The following PIMREG variants were observed in gnomAD, a reference collection of about 807,000 sequenced individuals.
PIMREG encodes the protein PICALM interacting mitotic regulator.
In PIMREG, 19 loss-of-function variants were observed where a neutral mutation model predicts 24.3. The ratio of observed to expected loss-of-function variants is 0.78; its 90% CI spans 0.54 to 1.15. The LOEUF (loss-of-function observed/expected upper bound fraction) is 1.15, where lower values mean the gene tolerates loss of function less well. Ranked by LOEUF, PIMREG falls within the 50% of genes most tolerant of loss-of-function variation. The probability of loss-of-function intolerance (pLI) is 0.00; values close to 1 mark genes in which losing one functional copy is unlikely to be tolerated. For missense variants in PIMREG, 283 were observed against 306.8 expected (o/e 0.92, Z 0.58); for synonymous variants, 112 against 124.1 (o/e 0.90, Z 0.65).
chr17:6,445,314 C>T lies in PIMREG; in HGVS notation c.204C>T (p.Ser68=), dbSNP rs1913530926. The stretch of plus-strand genomic sequence containing the variant: ...ACCTCAACCTCCGCGCAGGGCCCTC[C>T]TGGAAACGCCTGGAAACCCCAGAGC... ...AVNLNLRAGP[S]WKRLETPEPG... The change falls in exon 2 of 6, where the codon TCC becomes TCT. Residue 68 remains serine, a synonymous_variant. Transcript: ENST00000572447. The T allele has an allele frequency of 1.2e-6, 2 of 1,614,110 alleles. No individual in the cohort carries two copies. The highest frequency in any genetic ancestry group is 1.7e-4 in the Middle Eastern group (1 of 6,060).
rs761716545 is a variant in PIMREG, at chr17:6,447,665, G to C, written c.497G>C (p.Arg166Pro). The C allele has an allele frequency of 1.2e-6, 2 of 1,613,988 alleles. No homozygotes were observed. Among genetic ancestry groups the C allele is most frequent in the African/African-American group, 1.3e-5 (1 of 74,946 alleles). ...AAGGAGCATCACCGCCTCTCTGTCC[G>C]GATGGGCTCACATGCCCACCCATTA... ...WEKEHHRLSVRMGSHAHPLRR... is the reference protein window; with the variant it reads ...WEKEHHRLSVPMGSHAHPLRR... The change falls in exon 3 of 6, where the codon CGG becomes CCG. Residue 166 changes from arginine (R) to proline (P), a missense_variant. Arg to Pro is a moderately radical substitution (Grantham distance 103, BLOSUM62 -2). Transcript: ENST00000572447.
rs1913517782 is a variant in PIMREG, at chr17:6,445,048, C to T, written c.-35-28C>T. On this transcript the variant is annotated intron_variant, in intron 1 of 5. Transcript: ENST00000572447. ...GGGAATGGGTATGGGGAATGCCTTGCTGATCTGCCTTTCGCCCTCCTCCCC... is the reference window on the plus strand; with the variant it reads ...GGGAATGGGTATGGGGAATGCCTTGTTGATCTGCCTTTCGCCCTCCTCCCC... The T allele has an allele frequency of 9.5e-6, 14 of 1,467,800 alleles. 1 individual carries two copies. The highest frequency in any genetic ancestry group is 2.3e-4 in the Middle Eastern group (1 of 4,398). The allele number at this position is 1,467,800 out of a possible 1,614,324, so 90.9% of individuals were successfully genotyped here.
At position 6,450,773 on chromosome 17, in the gene PIMREG, C is replaced by T. The variant is rs1913799674; in HGVS notation, c.*426C>T. Reference sequence around the variant, plus strand: ...GCAGAGTCACTCACCCACTGTGTTTCTGGTGCCAAGGCTCTTGAGGGCCCC... The same window carrying T: ...GCAGAGTCACTCACCCACTGTGTTTTTGGTGCCAAGGCTCTTGAGGGCCCC... On this transcript the variant is annotated 3_prime_UTR_variant, in exon 6 of 6. Transcript: ENST00000572447. 1 of 251,878 alleles carries T rather than the reference C, an allele frequency of 4.0e-6. No individual in the cohort carries two copies. The highest frequency in any genetic ancestry group is 7.6e-6 in the Non-Finnish European group (1 of 131,668). The allele number at this position is 251,878 out of a possible 1,614,324, so 15.6% of individuals were successfully genotyped here. A position where few individuals can be genotyped will look rare whatever the true frequency, so the allele number is the denominator to read the frequency against.
chr17:6,451,396 C>G lies in PIMREG; in HGVS notation c.*1049C>G, dbSNP rs1348820203. 1 of 152,182 alleles carries G rather than the reference C, an allele frequency of 6.6e-6. No individual in the cohort carries two copies. Among genetic ancestry groups the G allele is most frequent in the Non-Finnish European group, 1.5e-5 (1 of 68,030 alleles). The allele number at this position is 152,182 out of a possible 1,614,324, so 9.4% of individuals were successfully genotyped here. A position where few individuals can be genotyped will look rare whatever the true frequency, so the allele number is the denominator to read the frequency against. ...TTTTGTCTTGTTAGAAATCTGATAT[C>G]TTACATTAGCGTTTCTAACGGATTT... On this transcript the variant is annotated 3_prime_UTR_variant, in exon 6 of 6. Transcript: ENST00000572447.
intron 2 of PIMREG, among the ~76,000 whole-genome samples, chr17:6,446,787 G>C (rs756009649): frequency 6.6e-6 from 1 of 152,186 alleles, no homozygotes; most frequent in South Asian, 2.1e-4. Flanking sequence ...GTGCTCTCTT[G>C]GTGTACAGGG....
At position 6,447,495 on chromosome 17, in the gene PIMREG, G is replaced by A. The variant is rs777249488; in HGVS notation, c.327G>A (p.Lys109=). 3 of 1,614,018 alleles carry A rather than the reference G, an allele frequency of 1.9e-6. No individual in the cohort carries two copies. Among genetic ancestry groups the A allele is most frequent in the Admixed American group, 1.7e-5 (1 of 60,022 alleles). The change falls in exon 3 of 6, where the codon AAG becomes AAA. Residue 109 remains lysine, a synonymous_variant. Transcript: ENST00000572447. ...AGGAGTCCTGCCAAAGTGGCACCAA[G>A]TGGCTGGTGGAGACCCAGGTGAAGG... is the stretch of plus-strand genomic sequence containing the variant. ...RIQESCQSGT[K]WLVETQVKAR... is the part of the protein sequence containing the mutation.
At position 6,450,525 on chromosome 17, in the gene PIMREG, C is replaced by G. The variant is rs1024287993; in HGVS notation, c.*178C>G. Reference sequence around the variant, plus strand: ...CCCCCTGCTCCAGCCACATCTGGACCCATCAGTGACTGCCTGCCATAGCCT... The same window carrying G: ...CCCCCTGCTCCAGCCACATCTGGACGCATCAGTGACTGCCTGCCATAGCCT... On this transcript the variant is annotated 3_prime_UTR_variant, in exon 6 of 6. Transcript: ENST00000572447. 4.9e-6 allele frequency: 4 copies of G among 812,060 alleles called. No homozygotes were observed. The highest frequency in any genetic ancestry group is 7.6e-6 in the Non-Finnish European group (4 of 528,348). The allele number at this position is 812,060 out of a possible 1,614,324, so 50.3% of individuals were successfully genotyped here.
intron 1 of PIMREG, 55 bp from the exon 2 acceptor site, chr17:6,445,021 C>A: frequency 1.5e-6 from 2 of 1,372,230 alleles, no homozygotes; most frequent in Non-Finnish European, 1.9e-6. Context: ...TCTGTGGGGC[C>A]TGGGAATGGG....
chr17:6,446,510 C>T (rs1045992791), intron 2 of PIMREG, among the ~76,000 whole-genome samples: 4 of 152,184 alleles, frequency 2.6e-5, no homozygotes, highest in Non-Finnish European at 4.4e-5. Context: ...TCACATAACT[C>T]ATCAAATTTA....
In PIMREG at chr17:6,450,595, T is replaced by C. The variant is rs550999859; in HGVS notation, c.*248T>C. On this transcript the variant is annotated 3_prime_UTR_variant, in exon 6 of 6. Transcript: ENST00000572447. ...CTTGCAGAGGGGGAGAATTGTTCCTTCTGCTTTCCTAGGGGACTCTTGAGC... is the reference window on the plus strand; with the variant it reads ...CTTGCAGAGGGGGAGAATTGTTCCTCCTGCTTTCCTAGGGGACTCTTGAGC... 4 of 534,774 alleles carry C rather than the reference T, an allele frequency of 7.5e-6. No homozygotes were observed. In the South Asian group the frequency reaches 1.2e-4, roughly 16 times the overall value. The allele number at this position is 534,774 out of a possible 1,614,324, so 33.1% of individuals were successfully genotyped here.
chr17:6,446,616 G>A (rs976999594), intron 2 of PIMREG, among the ~76,000 whole-genome samples: 1 of 152,188 alleles, frequency 6.6e-6, no homozygotes, highest in Non-Finnish European at 1.5e-5. Flanking sequence ...CCCGGCTGGT[G>A]TGAAAGGCCC....
rs555668667 is a variant in PIMREG at position 6,448,837 on chromosome 17, G to C, written c.591-475G>C. 4.6e-5 allele frequency among the ~76,000 whole-genome samples: 7 copies of C among 152,306 alleles called. No homozygotes were observed. In the East Asian group the frequency reaches 9.6e-4, roughly 21 times the overall value. ...CACCAGGATGCATGTAAGTGACCAG[G>C]TGGCTCTTTGCAAACCTGTAAGCTA... On this transcript the variant is annotated intron_variant, in intron 3 of 5. Transcript: ENST00000572447.
At chr17:6,449,912 GT>G in intron 4 of PIMREG, 115 bp from the exon 5 acceptor site, 2 of 1,429,896 alleles carry the variant, frequency 1.4e-6, no homozygotes, top group Non-Finnish European at 2.0e-6. Flanking sequence ...AGCTCTATGT[GT>G]TGAGGGGCCA....
At chr17:6,449,441 GC>G (rs1476639342) in intron 4 of PIMREG, 34 bp downstream of exon 4, 1 of 1,574,770 alleles carries the variant, frequency 6.4e-7, no homozygotes, top group East Asian at 2.2e-5. Context: ...AAGTGAAGGG[GC>G]CGGGAGGGCC....
rs12051874 is a variant in PIMREG at position 6,447,211 on chromosome 17, A to C, written c.295-252A>C. The C allele has an allele frequency of 0.045, 18,352 of 405,972 alleles. 601 individuals carry two copies. Among genetic ancestry groups the C allele is most frequent in the Admixed American group, 0.09 (2,393 of 26,514 alleles). The allele number at this position is 405,972 out of a possible 1,614,324, so 25.1% of individuals were successfully genotyped here. On this transcript the variant is annotated intron_variant, in intron 2 of 5. Transcript: ENST00000572447. Reference sequence around the variant, plus strand: ...ACTGCAACCTCCGCCTCCCGGGTTCAAGCGACTCTCATGCCTCAGCCACCC... The same window carrying C: ...ACTGCAACCTCCGCCTCCCGGGTTCCAGCGACTCTCATGCCTCAGCCACCC...
intron 2 of PIMREG, among the ~76,000 whole-genome samples, chr17:6,446,776 G>A (rs533767052): frequency 1.3e-5 from 2 of 152,320 alleles, no homozygotes; most frequent in South Asian, 4.1e-4. Context: ...CAAGAAGACA[G>A]GTGCTCTCTT....
Position 6,444,943 on chromosome 17 carries a change from CCA to C in PIMREG, c.-35-129_-35-128del, listed in dbSNP as rs991945983. 2.0e-5 allele frequency: 12 copies of C among 604,416 alleles called. No individual in the cohort carries two copies. In the African/African-American group the frequency reaches 2.2e-4, roughly 11 times the overall value. The allele number at this position is 604,416 out of a possible 1,614,324, so 37.4% of individuals were successfully genotyped here. A position where few individuals can be genotyped will look rare whatever the true frequency, so the allele number is the denominator to read the frequency against. On this transcript the variant is annotated intron_variant, in intron 1 of 5. Transcript: ENST00000572447. The surrounding 1 kb of genome is among the most constrained non-coding windows in gnomAD (Gnocchi z 4.3). ...CCAGGAAGCATCCTCCTTCCTGCAC[CCA>C]CACTTACCAACTCGCCCGCCCCCGC... is the stretch of plus-strand genomic sequence containing the variant.
At chr17:6,448,459 C>T (rs887776610) in intron 3 of PIMREG, among the ~76,000 whole-genome samples, 1 of 152,046 alleles carries the variant, frequency 6.6e-6, no homozygotes, top group Non-Finnish European at 1.5e-5. Context: ...GGGCTAGCAT[C>T]TTTCTTTAGC....
chr17:6,450,489 GGGGCCCA>G lies in PIMREG; in HGVS notation c.*144_*150del. ...GCCACTGCTAACAAGCACCTAACAA[GGGGCCCA>G]GAGCCCCCTGCTCCAGCCACATCTG... On this transcript the variant is annotated 3_prime_UTR_variant, in exon 6 of 6. Transcript: ENST00000572447. 1 of 1,294,874 alleles carries G rather than the reference GGGGCCCA, an allele frequency of 7.7e-7. No individual in the cohort carries two copies. Among genetic ancestry groups the G allele is most frequent in the Non-Finnish European group, 1.1e-6 (1 of 936,804 alleles). 80.2% of individuals were successfully genotyped at this position (1,294,874 alleles called of 1,614,324 possible).
Sources: allele counts gnomAD v4.1 joint callset (sites outside exome capture counted in the v4.1 genomes callset), GRCh38; gene constraint gnomAD v4.1.1; non-coding constraint Gnocchi (gnomAD v3.1); transcripts MANE v1.5; gene names NCBI Gene and HGNC (gene_info 2026-07-23, HGNC 2026-07-21).